APC: variants seen among roughly 807,000 people sequenced by gnomAD.
APC encodes the protein adenomatous polyposis coli protein.
A neutral mutation model predicts 247.0 loss-of-function variants in APC; 72 were observed. The observed-to-expected ratio is 0.29, with a 90% CI of 0.24 to 0.35. APC has a LOEUF of 0.35. Among genes scored for constraint, APC ranks in the 10% least tolerant of loss-of-function variants. The probability of loss-of-function intolerance (pLI) is 1.00; values close to 1 mark genes in which losing one functional copy is unlikely to be tolerated. For synonymous variants in APC, 1,254 were observed against 1,162.5 expected (o/e 1.08, Z -1.60); for missense variants, 3,400 against 3,360.7 (o/e 1.01, Z -0.29).
At chr5:112,731,666 T>A (rs984741167) in intron 1 of APC, among the ~76,000 whole-genome samples, 1 of 152,218 alleles carries the variant, frequency 6.6e-6, no homozygotes, top group Non-Finnish European at 1.5e-5. Flanking sequence ...ACAATATTAT[T>A]TTAAAATATC....
intron 6 of APC, among the ~76,000 whole-genome samples, chr5:112,783,005 A>T (rs1758519617): frequency 6.6e-6 from 1 of 152,188 alleles, no homozygotes; most frequent in South Asian, 2.1e-4. Context: ...AACAAGTATT[A>T]CTTTGGTTTA....
intron 2 of APC, among the ~76,000 whole-genome samples, chr5:112,763,709 G>A (rs984548963): frequency 5.9e-5 from 9 of 152,074 alleles, no homozygotes; most frequent in Admixed American, 2.6e-4. Flanking sequence ...GACACAACAA[G>A]TAAAAAAGAA....
At chr5:112,825,599 C>T (rs1763569965) in intron 11 of APC, among the ~76,000 whole-genome samples, 1 of 152,162 alleles carries the variant, frequency 6.6e-6, no homozygotes, top group South Asian at 2.1e-4. Flanking sequence ...TGCCTGTAAT[C>T]CCAGCACTTT....
intron 4 of APC, among the ~76,000 whole-genome samples, chr5:112,768,484 C>T (rs1414989684): frequency 1.3e-5 from 2 of 149,734 alleles, no homozygotes; most frequent in African/African-American, 4.9e-5. Flanking sequence ...ATGGAAGGCC[C>T]ACTACAAGTG....
At chr5:112,822,369 C>G (rs560884506) in intron 11 of APC, among the ~76,000 whole-genome samples, 39 of 152,308 alleles carry the variant, frequency 2.6e-4, no homozygotes, top group African/African-American at 9.4e-4. Context: ...TGTGATTGAA[C>G]TCAGTCACTT....
chr5:112,787,601 G>C (rs1561494902), intron 6 of APC, among the ~76,000 whole-genome samples: 1 of 152,142 alleles, frequency 6.6e-6, no homozygotes, highest in Non-Finnish European at 1.5e-5. Flanking sequence ...TTCTTTCTAA[G>C]TTACTTCCTC....
In APC at chr5:112,707,842, G is replaced by A. The variant is rs1057517570; in HGVS notation, c.125G>A (p.Gly42Asp). The A allele has an allele frequency of 4.6e-5, 63 of 1,370,280 alleles. No individual in the cohort carries two copies. The Admixed American group carries it at 1.3e-3, about 28-fold the overall frequency. The allele number at this position is 1,370,280 out of a possible 1,614,324, so 84.9% of individuals were successfully genotyped here. Residue 42 changes from glycine to aspartate, a missense_variant, in exon 1 of 14, where the codon GGC (glycine) becomes GAC (aspartate). Gly to Asp is a moderately conservative substitution (Grantham distance 94). Transcript: ENST00000507379. ...GTCCGGCAGGAGACGAAGAGCCCGG[G>A]CGGCGCTCGTACTTCTGGCCACTGG...
chr5:112,839,556 G>A lies in APC; in HGVS notation c.3962G>A (p.Ser1321Asn), dbSNP rs1554085421. 6.2e-7 allele frequency: 1 copy of A among 1,614,204 alleles called. No individual in the cohort carries two copies. The highest frequency in any genetic ancestry group is 8.5e-7 in the Non-Finnish European group (1 of 1,180,020). The change falls in exon 16 of 16, where the codon AGC (serine) becomes AAC (asparagine). Residue 1321 changes from serine to asparagine, a missense_variant. Coordinates refer to ENST00000257430, the MANE Select transcript of APC (RefSeq NM_000038.6). The surrounding 1 kb of genome is among the most constrained non-coding windows in gnomAD (Gnocchi z 5.0). ...IGTRSAEDPV[S>N]EVPAVSQHPR... ...ACTAGGTCAGCTGAAGATCCTGTGAGCGAAGTTCCAGCAGTGTCACAGCAC... is the reference window on the plus strand; with the variant it reads ...ACTAGGTCAGCTGAAGATCCTGTGAACGAAGTTCCAGCAGTGTCACAGCAC...
upstream of APC, among the ~76,000 whole-genome samples, chr5:112,735,007 G>A (rs927294200): frequency 2.0e-5 from 3 of 151,712 alleles, no homozygotes; most frequent in African/African-American, 7.3e-5. Context: ...GTTCAGAAGG[G>A]TTTTTTAAGT....
intron 1 of APC, among the ~76,000 whole-genome samples, chr5:112,746,181 A>G (rs979898109): frequency 6.6e-6 from 1 of 152,168 alleles, no homozygotes; most frequent in African/African-American, 2.4e-5. Context: ...TAAAATTAAT[A>G]CAAGATGGAG....
At chr5:112,818,554 AATAAG>A (rs773664584) in intron 9 of APC, among the ~76,000 whole-genome samples, 2 of 152,252 alleles carry the variant, frequency 1.3e-5, no homozygotes, top group Non-Finnish European at 2.9e-5. Context: ...GATTAAAAGA[AATAAG>A]ATAAAGTTTT....
intron 1 of APC, among the ~76,000 whole-genome samples, chr5:112,719,468 C>T (rs1751362357): frequency 6.6e-6 from 1 of 151,752 alleles, no homozygotes; most frequent in African/African-American, 2.4e-5. Context: ...AATGATCCAC[C>T]CACCTTGGCC....
chr5:112,756,821 G>A (rs1228807239), intron 2 of APC, among the ~76,000 whole-genome samples: 2 of 152,168 alleles, frequency 1.3e-5, no homozygotes, highest in Non-Finnish European at 2.9e-5. Flanking sequence ...TATAATACAA[G>A]TTGAGTATCC....
In APC at chr5:112,754,982, C is replaced by T. The variant is rs1270741856; in HGVS notation, c.92C>T (p.Ser31Phe). Residue 31 changes from serine to phenylalanine, a missense_variant, in exon 2 of 16, where the codon TCC becomes TTC. By Grantham distance (155) the Ser-to-Phe change is radical. Transcript: ENST00000257430. ...CTTCGACAAGAGCTAGAAGATAATT[C>T]CAATCATCTTACAAAACTGGAAACT... is the stretch of plus-strand genomic sequence containing the variant. ...SNLRQELEDN[S>F]NHLTKLETEA... is the part of the protein sequence containing the mutation. The T allele has an allele frequency of 6.2e-7, 1 of 1,613,644 alleles. No homozygotes were observed. The highest frequency in any genetic ancestry group is 8.5e-7 in the Non-Finnish European group (1 of 1,179,690).
At chr5:112,768,945 CTTT>C (rs533548045) in intron 4 of APC, among the ~76,000 whole-genome samples, 175 of 151,734 alleles carry the variant, frequency 1.2e-3, no homozygotes, top group African/African-American at 4.1e-3. Context: ...ATTTTATATT[CTTT>C]AACAAATCTC....
chr5:112,750,116 C>A (rs549361411), intron 1 of APC, among the ~76,000 whole-genome samples: 68 of 152,008 alleles, frequency 4.5e-4, no homozygotes, highest in African/African-American at 1.6e-3. Flanking sequence ...GCATATGCCA[C>A]CACGCCTGGC....
At chr5:112,794,387 A>T (rs1415417312) in intron 7 of APC, among the ~76,000 whole-genome samples, 2 of 152,148 alleles carry the variant, frequency 1.3e-5, no homozygotes, top group South Asian at 4.1e-4. Flanking sequence ...ACCCCTGTTA[A>T]ACCTTTTAAA....
At chr5:112,822,994 T>C (rs1763294870) in intron 11 of APC, among the ~76,000 whole-genome samples, 1 of 152,204 alleles carries the variant, frequency 6.6e-6, no homozygotes, top group South Asian at 2.1e-4. Flanking sequence ...CCTAGTGGTG[T>C]AGCAATTGGC....
rs34919187 is a variant in APC, at chr5:112,842,415, C to T, written c.6821C>T (p.Ala2274Val). The change falls in exon 16 of 16, where the codon GCC becomes GTC. Residue 2274 changes from alanine to valine, a missense_variant. By Grantham distance (64) the Ala-to-Val change is moderately conservative (BLOSUM62 0). Around this residue, in one of 9 missense-constraint regions of APC, gnomAD observed 1,788 missense variants for 1,649.5 expected, o/e 1.08. Transcript: ENST00000257430. ...GQTATTSPRGAKPSVKSELSP... is the reference protein window; with the variant it reads ...GQTATTSPRGVKPSVKSELSP... ...ACAGCCACCACTTCTCCTAGAGGAGCCAAGCCATCTGTGAAATCAGAATTA... is the reference window on the plus strand; with the variant it reads ...ACAGCCACCACTTCTCCTAGAGGAGTCAAGCCATCTGTGAAATCAGAATTA... The T allele has an allele frequency of 1.1e-3, 1,732 of 1,614,090 alleles. 1 individual carries two copies. Among genetic ancestry groups the T allele is most frequent in the Middle Eastern group, 3.0e-3 (18 of 6,062 alleles).
Sources: allele counts gnomAD v4.1 joint callset (sites outside exome capture counted in the v4.1 genomes callset), GRCh38; gene constraint gnomAD v4.1.1; regional missense constraint gnomAD v4.1.1; non-coding constraint Gnocchi (gnomAD v3.1); transcripts MANE v1.5; gene names NCBI Gene and HGNC (gene_info 2026-07-23, HGNC 2026-07-21).